The following KAZN variants were observed in gnomAD, a reference collection of about 807,000 sequenced individuals.
The protein encoded by KAZN is kazrin, periplakin interacting protein.
Under a neutral mutation model 87.4 loss-of-function variants are expected in KAZN, and 40 were observed. The ratio of observed to expected loss-of-function variants is 0.46; its 90% CI spans 0.36 to 0.60. The LOEUF (loss-of-function observed/expected upper bound fraction) is 0.60, where lower values mean the gene tolerates loss of function less well. KAZN is among the 20% of genes least tolerant of loss of function. KAZN has a pLI of 0.00. For synonymous variants in KAZN, 466 were observed against 458.3 expected, an observed-to-expected ratio of 1.02 and a Z score of -0.22; for missense variants, 898 against 1,073.9, an observed-to-expected ratio of 0.84 and a Z score of 2.29.
intron 2 of KAZN, among the ~76,000 whole-genome samples, chr1:14,509,388 C>T (rs77167506): frequency 1.1e-4 from 17 of 152,100 alleles, no homozygotes; most frequent in Non-Finnish European, 1.3e-4. Flanking sequence ...ACCACTCAAG[C>T]GCATGGTCTT....
chr1:14,400,049 C>T (rs1476648678), intron 2 of KAZN, among the ~76,000 whole-genome samples: 3 of 152,038 alleles, frequency 2.0e-5, no homozygotes, highest in Non-Finnish European at 4.4e-5. Flanking sequence ...CACACTCCTA[C>T]CCAAGCATGT....
chr1:14,292,488 G>C (rs75360302), intron 2 of KAZN, among the ~76,000 whole-genome samples: 3 of 152,172 alleles, frequency 2.0e-5, no homozygotes, highest in African/African-American at 7.2e-5. Context: ...GGGATAGGCG[G>C]AGTCCTTGTG....
At chr1:14,386,476 A>G (rs1222463127) in intron 2 of KAZN, among the ~76,000 whole-genome samples, 194 of 151,398 alleles carry the variant, frequency 1.3e-3, no homozygotes, top group African/African-American at 4.2e-3. Flanking sequence ...CATGTTTAGC[A>G]CTTCCTTCAG....
chr1:14,591,361 C>A (rs942694431), intron 2 of KAZN, among the ~76,000 whole-genome samples: 10 of 151,250 alleles, frequency 6.6e-5, no homozygotes, highest in Admixed American at 1.3e-4. Context: ...GTGACAGAGT[C>A]GAGAACCCAG....
chr1:14,498,062 T>C (rs2148421728), intron 2 of KAZN, among the ~76,000 whole-genome samples: 1 of 152,334 alleles, frequency 6.6e-6, no homozygotes, highest in Non-Finnish European at 1.5e-5. Flanking sequence ...GTATTCAATG[T>C]CTGGGACTCA....
At chr1:13,989,170 GC>G (rs2101104046) in intron 1 of KAZN, among the ~76,000 whole-genome samples, 1 of 152,264 alleles carries the variant, frequency 6.6e-6, no homozygotes, top group Admixed American at 6.5e-5. Context: ...GAAGGTTGGA[GC>G]CCTCATGGTC....
chr1:14,353,720 A>C (rs1481000051), intron 2 of KAZN, among the ~76,000 whole-genome samples: 1 of 152,248 alleles, frequency 6.6e-6, no homozygotes, highest in Non-Finnish European at 1.5e-5. Context: ...TTTGGGGATA[A>C]GTTTTTTAAA....
chr1:14,182,388 T>G (rs1361083743), intron 2 of KAZN, among the ~76,000 whole-genome samples: 1 of 152,214 alleles, frequency 6.6e-6, no homozygotes, highest in East Asian at 1.9e-4. Context: ...ATTCCAAGAT[T>G]CCTTGCTTCT....
chr1:14,576,310 ATG>A (rs1675175660), intron 2 of KAZN, among the ~76,000 whole-genome samples: 1 of 151,278 alleles, frequency 6.6e-6, no homozygotes, highest in Non-Finnish European at 1.5e-5. Flanking sequence ...GGATGGATGG[ATG>A]GATGGATGGA....
chr1:14,684,658 G>T (rs1296739945), intron 1 of KAZN, among the ~76,000 whole-genome samples: 1 of 152,132 alleles, frequency 6.6e-6, no homozygotes, highest in Non-Finnish European at 1.5e-5. Flanking sequence ...GTTTTCCTTG[G>T]CTTGTGGCCC....
chr1:14,421,761 T>C (rs1665441178), intron 2 of KAZN, among the ~76,000 whole-genome samples: 2 of 152,134 alleles, frequency 1.3e-5, no homozygotes, highest in Admixed American at 1.3e-4. Context: ...AAACTCTTTT[T>C]ACCACAAAAT....
chr1:14,946,117 C>T (rs974720674), intron 1 of KAZN: 1 of 159,792 alleles, frequency 6.3e-6, no homozygotes, highest in African/African-American at 2.4e-5. Flanking sequence ...AGGATTTGAA[C>T]CAGGCCATCC....
At chr1:14,884,043 G>A (rs1298329683) in intron 1 of KAZN, among the ~76,000 whole-genome samples, 1 of 152,150 alleles carries the variant, frequency 6.6e-6, no homozygotes, top group African/African-American at 2.4e-5. Flanking sequence ...TTTCACAGAT[G>A]AAGAAACTGA....
chr1:14,361,449 A>G (rs1429801071), intron 2 of KAZN, among the ~76,000 whole-genome samples: 1 of 152,188 alleles, frequency 6.6e-6, no homozygotes, highest in Non-Finnish European at 1.5e-5. Flanking sequence ...CCTCTTCCAG[A>G]GGAGTGAACA....
At chr1:15,073,065 G>T (rs1197618138) in intron 8 of KAZN, among the ~76,000 whole-genome samples, 1 of 152,212 alleles carries the variant, frequency 6.6e-6, no homozygotes, top group Non-Finnish European at 1.5e-5. Flanking sequence ...GAAAGAATCA[G>T]CAGGCAGGGC....
intron 1 of KAZN, among the ~76,000 whole-genome samples, chr1:14,877,863 C>A (rs1652940432): frequency 6.6e-6 from 1 of 152,126 alleles, no homozygotes; most frequent in African/African-American, 2.4e-5. Flanking sequence ...CAAATACTTT[C>A]ATTAATTCCA....
At chr1:13,932,417 C>T (rs1016857802) in intron 1 of KAZN, among the ~76,000 whole-genome samples, 13 of 151,680 alleles carry the variant, frequency 8.6e-5, no homozygotes, top group African/African-American at 2.9e-4. Flanking sequence ...CCCGCCACTA[C>T]GCCCGGCTAA....
intron 1 of KAZN, among the ~76,000 whole-genome samples, chr1:13,989,969 T>C (rs1359605447): frequency 6.6e-6 from 1 of 152,192 alleles, no homozygotes; most frequent in African/African-American, 2.4e-5. Context: ...TCTGAGACTT[T>C]TCCCTTGCAG....
intron 1 of KAZN, among the ~76,000 whole-genome samples, chr1:14,079,748 G>A (rs952159284): frequency 1.4e-4 from 21 of 152,110 alleles, no homozygotes; most frequent in African/African-American, 4.8e-4. Context: ...GAGTATTCTC[G>A]GAGCAAATGG....
Sources: gnomAD v4.1 joint callset for allele counts (sites outside exome capture counted in the v4.1 genomes callset) on GRCh38, gnomAD v4.1.1 for gene constraint, MANE v1.5 for transcripts, NCBI Gene and HGNC (gene_info 2026-07-23, HGNC 2026-07-21) for gene names.